The following RBFOX1 variants were observed in gnomAD, a reference collection of about 807,000 sequenced individuals.
The protein encoded by RBFOX1 is RNA binding fox-1 homolog 1, also known as RNA binding protein fox-1 homolog 1.
A neutral mutation model predicts 57.7 loss-of-function variants in RBFOX1; 8 were observed. The ratio of observed to expected loss-of-function variants is 0.14; its 90% CI spans 0.08 to 0.25. The LOEUF is 0.25. Among genes scored for constraint, RBFOX1 ranks in the 10% least tolerant of loss-of-function variants. The probability of loss-of-function intolerance (pLI) is 1.00; values close to 1 mark genes in which losing one functional copy is unlikely to be tolerated. For missense variants in RBFOX1, 611 were observed against 548.5 expected (o/e 1.11, Z -1.14); for synonymous variants, 326 against 222.4 (o/e 1.47, Z -4.15).
At chr16:7,677,682 G>A (rs762839698) in intron 14 of RBFOX1, among the ~76,000 whole-genome samples, 1 of 152,198 alleles carries the variant, frequency 6.6e-6, no homozygotes, top group Non-Finnish European at 1.5e-5. Context: ...ACATAAATGT[G>A]AATGTTCAGA....
rs911253995 is a variant in RBFOX1 at position 7,016,594 on chromosome 16, A to C, written c.-15-35463A>C. On this transcript the variant is annotated intron_variant, in intron 3 of 15. Transcript: ENST00000550418. Reference sequence around the variant, plus strand: ...ACGTAATTCCTCCAGCCACACTTCCACTTGGGTAGACACGCCTCACTTGGT... The same window carrying C: ...ACGTAATTCCTCCAGCCACACTTCCCCTTGGGTAGACACGCCTCACTTGGT... Among the ~76,000 whole-genome samples, 4 of 152,282 alleles carry C rather than the reference A, an allele frequency of 2.6e-5. No individual in the cohort carries two copies. The South Asian group carries it at 6.2e-4, about 24-fold the overall frequency.
At chr16:7,484,681 C>G (rs1217880093) in intron 4 of RBFOX1, among the ~76,000 whole-genome samples, 1 of 152,194 alleles carries the variant, frequency 6.6e-6, no homozygotes, top group Admixed American at 6.5e-5. Flanking sequence ...TCAGGCTGGT[C>G]TTGAACTCCT....
At chr16:6,474,932 G>A (rs2095249624) in intron 2 of RBFOX1, among the ~76,000 whole-genome samples, 1 of 152,208 alleles carries the variant, frequency 6.6e-6, no homozygotes, top group Non-Finnish European at 1.5e-5. Flanking sequence ...GAGAAAGTGT[G>A]TAGCATTAGA....
At chr16:6,340,585 C>T (rs1404924920) in intron 2 of RBFOX1, among the ~76,000 whole-genome samples, 5 of 152,234 alleles carry the variant, frequency 3.3e-5, no homozygotes, top group South Asian at 4.1e-4. Context: ...CCTGACGTTG[C>T]CTTGTATTTG....
intron 3 of RBFOX1, among the ~76,000 whole-genome samples, chr16:7,035,284 C>A (rs1420914816): frequency 6.6e-6 from 1 of 152,104 alleles, no homozygotes; most frequent in Non-Finnish European, 1.5e-5. Flanking sequence ...CCCCTTCATT[C>A]CTCACCCAGG....
At chr16:7,593,316 T>C (rs1389940878) in intron 7 of RBFOX1, among the ~76,000 whole-genome samples, 2 of 152,220 alleles carry the variant, frequency 1.3e-5, no homozygotes, top group African/African-American at 4.8e-5. Context: ...AAGTTTGAGA[T>C]ATACTGGCCA....
intron 2 of RBFOX1, among the ~76,000 whole-genome samples, chr16:5,499,750 G>T (rs56801126): frequency 0.15 from 22,742 of 151,592 alleles, 2,184 homozygotes; most frequent in African/African-American, 0.27. Flanking sequence ...TGTTTGTATT[G>T]TTAGTAGAAA....
chr16:6,580,132 T>C (rs553888990), intron 2 of RBFOX1, among the ~76,000 whole-genome samples: 15 of 152,086 alleles, frequency 9.9e-5, no homozygotes, highest in Admixed American at 8.5e-4. Context: ...CTAACTTTTG[T>C]GTTTTTAGAA....
intron 1 of RBFOX1, among the ~76,000 whole-genome samples, chr16:6,188,550 A>G (rs1197112656): frequency 1.3e-5 from 2 of 152,164 alleles, no homozygotes; most frequent in East Asian, 3.9e-4. Context: ...TTCAGCTATG[A>G]GGAAAACAAA....
intron 3 of RBFOX1, among the ~76,000 whole-genome samples, chr16:6,873,455 C>T (rs992115612): frequency 3.9e-5 from 6 of 152,114 alleles, no homozygotes; most frequent in Admixed American, 1.3e-4. Flanking sequence ...TTCAATTTTT[C>T]AGTTTTATGT....
intron 2 of RBFOX1, among the ~76,000 whole-genome samples, chr16:5,534,101 G>T (rs920943390): frequency 6.6e-6 from 1 of 152,096 alleles, no homozygotes; most frequent in African/African-American, 2.4e-5. Context: ...GCCGCTTTGT[G>T]CACTGGCTCT....
intron 1 of RBFOX1, among the ~76,000 whole-genome samples, chr16:5,305,881 A>G (rs2063920178): frequency 6.6e-6 from 1 of 151,994 alleles, no homozygotes; most frequent in African/African-American, 2.4e-5. Flanking sequence ...ACATAGTGAG[A>G]CCCCATCTGT....
chr16:5,261,253 G>C (rs1017696880), intron 1 of RBFOX1, among the ~76,000 whole-genome samples: 9 of 152,108 alleles, frequency 5.9e-5, no homozygotes, highest in African/African-American at 2.2e-4. Flanking sequence ...TTTCTGTTCT[G>C]CAATCATAGT....
chr16:6,337,497 G>A (rs1012243967), intron 2 of RBFOX1, among the ~76,000 whole-genome samples: 1 of 152,188 alleles, frequency 6.6e-6, no homozygotes, highest in Non-Finnish European at 1.5e-5. Context: ...AATGGCAAAG[G>A]AGTGGAAATA....
At chr16:5,638,373 G>C (rs1433694655) in intron 3 of RBFOX1, among the ~76,000 whole-genome samples, 2 of 152,182 alleles carry the variant, frequency 1.3e-5, no homozygotes, top group Non-Finnish European at 2.9e-5. Context: ...TACTTGACAA[G>C]ATGGTTCCAG....
At chr16:7,448,203 C>G (rs574953396) in intron 4 of RBFOX1, among the ~76,000 whole-genome samples, 1 of 152,206 alleles carries the variant, frequency 6.6e-6, no homozygotes, top group African/African-American at 2.4e-5. Flanking sequence ...ATAACAGAAA[C>G]TTATTCTCTT....
chr16:6,171,978 C>G (rs570922663), intron 1 of RBFOX1, among the ~76,000 whole-genome samples: 7 of 151,900 alleles, frequency 4.6e-5, no homozygotes, highest in Non-Finnish European at 8.8e-5. Flanking sequence ...CATGCCTCCA[C>G]GCTTGGGTAA....
At chr16:6,570,107 C>G (rs893381948) in intron 2 of RBFOX1, among the ~76,000 whole-genome samples, 1 of 152,154 alleles carries the variant, frequency 6.6e-6, no homozygotes, top group East Asian at 1.9e-4. Flanking sequence ...AAATAATGGA[C>G]TACAGAGCCA....
chr16:7,468,222 G>A (rs962331550), intron 4 of RBFOX1, among the ~76,000 whole-genome samples: 1 of 152,170 alleles, frequency 6.6e-6, no homozygotes, highest in East Asian at 1.9e-4. Flanking sequence ...CAATGAGCAA[G>A]CTCCTTTCTG....
Sources: gnomAD v4.1 joint callset for allele counts (sites outside exome capture counted in the v4.1 genomes callset) on GRCh38, gnomAD v4.1.1 for gene constraint, MANE v1.5 for transcripts, NCBI Gene and HGNC (gene_info 2026-07-23, HGNC 2026-07-21) for gene names.